The following HADHB variants were observed in gnomAD, a reference collection of about 807,000 sequenced individuals.
HADHB encodes trifunctional enzyme subunit beta, mitochondrial.
Under a neutral mutation model 61.9 loss-of-function variants are expected in HADHB, and 50 were observed. That is an observed-to-expected ratio of 0.81 (90% CI 0.64 to 1.02). HADHB has a LOEUF of 1.02. Among genes scored for constraint, HADHB ranks in the 50% least tolerant of loss-of-function variants. HADHB has a pLI of 0.00. For missense variants in HADHB, 504 were observed against 586.5 expected, an observed-to-expected ratio of 0.86 and a Z score of 1.45; for synonymous variants, 191 against 201.6, an observed-to-expected ratio of 0.95 and a Z score of 0.45.
chr2:26,279,260 C>T lies in HADHB; in HGVS notation c.756C>T (p.Ala252=). ...DEYALRSHSL[A]KKAQDEGLLS... Reference sequence around the variant, plus strand: ...ATGCACTGCGCTCTCACAGTCTAGCCAAGAAGGCACAGGATGAAGGACTCC... The same window carrying T: ...ATGCACTGCGCTCTCACAGTCTAGCTAAGAAGGCACAGGATGAAGGACTCC... Residue 252 remains alanine (A), a synonymous_variant, in exon 9 of 16, where the codon GCC becomes GCT. Transcript: ENST00000317799. The T allele has an allele frequency of 1.2e-6, 2 of 1,613,380 alleles. No homozygotes were observed. Among genetic ancestry groups the T allele is most frequent in the African/African-American group, 1.3e-5 (1 of 74,988 alleles).
Position 26,254,309 on chromosome 2 carries a change from C to T in HADHB, c.55C>T (p.Leu19Phe). 1 of 1,550,368 alleles carries T rather than the reference C, an allele frequency of 6.5e-7. No homozygotes were observed. The highest frequency in any genetic ancestry group is 1.8e-4 in the Middle Eastern group (1 of 5,702). The change falls in exon 2 of 16, where the codon CTC becomes TTC. Residue 19 changes from leucine (L) to phenylalanine (F), a missense_variant. Leu to Phe is a conservative substitution (Grantham distance 22). Coordinates refer to ENST00000317799, the MANE Select transcript of HADHB (RefSeq NM_000183.3). ...TCTTCCCACTGCATCAAAATGGGCCCTCAGATTTTGTAAGTTTATTATTAT... is the reference window on the plus strand; with the variant it reads ...TCTTCCCACTGCATCAAAATGGGCCTTCAGATTTTGTAAGTTTATTATTAT... The part of the protein sequence containing the change: ...KNLPTASKWA[L>F]RFSIRPLSCS...
chr2:26,280,853 CAAAAAAAAAA>C (rs10560210), intron 10 of HADHB, among the ~76,000 whole-genome samples: 4 of 49,162 alleles, frequency 8.1e-5, no homozygotes, highest in East Asian at 1.4e-3. Context: ...ACTCCCATCT[CAAAAAAAAAA>C]AAAAAAAAAA....
At chr2:26,256,667 G>A (rs1448474656) in intron 3 of HADHB, among the ~76,000 whole-genome samples, 2 of 152,156 alleles carry the variant, frequency 1.3e-5, no homozygotes, top group Admixed American at 6.5e-5. Context: ...AGGTTTTGGA[G>A]TTGGTTAGAG....
chr2:26,275,641 C>A (rs1004705907), intron 6 of HADHB, among the ~76,000 whole-genome samples: 3 of 152,218 alleles, frequency 2.0e-5, no homozygotes, highest in African/African-American at 7.2e-5. Flanking sequence ...TTGCGTCTCT[C>A]TTCCTTTCGG....
chr2:26,289,260 T>TA (rs1673168946), intron 15 of HADHB, among the ~76,000 whole-genome samples: 3 of 151,658 alleles, frequency 2.0e-5, no homozygotes, highest in Non-Finnish European at 2.9e-5. Flanking sequence ...AAATAATAAA[T>TA]AAAAAAAATA....
chr2:26,282,351 T>C (rs1672829179), intron 10 of HADHB, among the ~76,000 whole-genome samples: 1 of 149,936 alleles, frequency 6.7e-6, no homozygotes, highest in Non-Finnish European at 1.5e-5. Context: ...GCCTCCCAGG[T>C]TCAAGCAATT....
At chr2:26,284,021 A>G (rs1045376448) in intron 12 of HADHB, 96 bp from the exon 13 acceptor site, 9 of 734,118 alleles carry the variant, frequency 1.2e-5, no homozygotes, top group Non-Finnish European at 2.0e-5. Flanking sequence ...GTGAAAAGAC[A>G]TTAGAGTACC....
At chr2:26,271,163 G>A (rs1672331249) in intron 5 of HADHB, among the ~76,000 whole-genome samples, 1 of 149,010 alleles carries the variant, frequency 6.7e-6, no homozygotes, top group Admixed American at 6.7e-5. Context: ...CCAAAGTGCT[G>A]GGCTTACAGG....
At chr2:26,251,480 G>T (rs1671395209) in intron 1 of HADHB, among the ~76,000 whole-genome samples, 1 of 152,148 alleles carries the variant, frequency 6.6e-6, no homozygotes, top group Non-Finnish European at 1.5e-5. Context: ...GAGCCTCTGT[G>T]CCTGGCCTAG....
Position 26,260,256 on chromosome 2 carries a change from A to AT in HADHB, c.110-3119dup, listed in dbSNP as rs1459257133. Among the ~76,000 whole-genome samples, 3 of 151,680 alleles carry AT rather than the reference A, an allele frequency of 2.0e-5. No individual in the cohort carries two copies. The East Asian group carries it at 5.8e-4, about 29-fold the overall frequency. Reference sequence around the variant, plus strand: ...ACCACCGTGCCCAGCTAATTTTTGTATTTTTAGTAGAGACGGGGTTTCACC... The same window carrying AT: ...ACCACCGTGCCCAGCTAATTTTTGTATTTTTTAGTAGAGACGGGGTTTCACC... On this transcript the variant is annotated intron_variant, in intron 3 of 15. Coordinates refer to ENST00000317799, the MANE Select transcript of HADHB (RefSeq NM_000183.3).
intron 3 of HADHB, among the ~76,000 whole-genome samples, chr2:26,257,457 G>A (rs577915066): frequency 2.0e-5 from 3 of 152,058 alleles, no homozygotes; most frequent in Non-Finnish European, 4.4e-5. Context: ...CTAAGACAGG[G>A]TCCCATAACT....
Position 26,284,954 on chromosome 2 carries a change from C to G in HADHB, c.1221C>G (p.Thr407=), listed in dbSNP as rs1260846929. The part of the protein sequence containing the change: ...WFAENYMGRK[T]KVGLPPLEKF... Reference sequence around the variant, plus strand: ...CAGAAAACTACATGGGTAGAAAAACCAAGGTGAGTTTCTAATTTTAAAAAA... The same window carrying G: ...CAGAAAACTACATGGGTAGAAAAACGAAGGTGAGTTTCTAATTTTAAAAAA... Residue 407 remains threonine, a synonymous_variant, in exon 14 of 16, where the codon ACC becomes ACG. Coordinates refer to ENST00000317799, the MANE Select transcript of HADHB (RefSeq NM_000183.3). 6.6e-7 allele frequency: 1 copy of G among 1,518,392 alleles called. No individual in the cohort carries two copies. The highest frequency in any genetic ancestry group is 1.4e-5 in the African/African-American group (1 of 73,014). 94.1% of individuals were successfully genotyped at this position (1,518,392 alleles called of 1,614,324 possible). A position where few individuals can be genotyped will look rare whatever the true frequency, so the allele number is the denominator to read the frequency against.
intron 4 of HADHB, among the ~76,000 whole-genome samples, chr2:26,267,998 T>C (rs922664862): frequency 1.3e-5 from 2 of 151,944 alleles, no homozygotes; most frequent in Non-Finnish European, 2.9e-5. Flanking sequence ...AAAAATTAGC[T>C]GGGTGTGGTA....
intron 6 of HADHB, among the ~76,000 whole-genome samples, chr2:26,276,257 C>T (rs1460385543): frequency 6.6e-6 from 1 of 152,142 alleles, no homozygotes; most frequent in Non-Finnish European, 1.5e-5. Context: ...TAATAATGAC[C>T]TCAGTTTTTC....
Position 26,279,197 on chromosome 2 carries a change from C to G in HADHB, c.693C>G (p.Ala231=). ...ETMGHSADRL[A]AAFAVSRLEQ... ...TGGGCCACTCTGCAGACCGACTGGCCGCTGCCTTTGCTGTTTCTCGGCTGG... is the reference window on the plus strand; with the variant it reads ...TGGGCCACTCTGCAGACCGACTGGCGGCTGCCTTTGCTGTTTCTCGGCTGG... The change falls in exon 9 of 16, where the codon GCC becomes GCG. Residue 231 remains alanine (A), a synonymous_variant. Coordinates refer to ENST00000317799, the MANE Select transcript of HADHB (RefSeq NM_000183.3). 1 of 1,613,856 alleles carries G rather than the reference C, an allele frequency of 6.2e-7. No individual in the cohort carries two copies. Among genetic ancestry groups the G allele is most frequent in the Non-Finnish European group, 8.5e-7 (1 of 1,179,782 alleles).
In HADHB at chr2:26,254,486, T is replaced by C. The variant is rs1671532556; in HGVS notation, c.109+12T>C. 6.5e-7 allele frequency: 1 copy of C among 1,528,144 alleles called. No homozygotes were observed. Among genetic ancestry groups the C allele is most frequent in the East Asian group, 2.2e-5 (1 of 44,490 alleles). The allele number at this position is 1,528,144 out of a possible 1,614,324, so 94.7% of individuals were successfully genotyped here. On this transcript the variant is annotated intron_variant, in intron 3 of 15. Coordinates refer to ENST00000317799, the MANE Select transcript of HADHB (RefSeq NM_000183.3). ...ACGAGCTGCCCCAGGTACAGTAATT[T>C]GTAAAATAAATATTTCTGATTTAAA... is the stretch of plus-strand genomic sequence containing the variant.
chr2:26,270,813 ACTT>A (rs1208482624), intron 5 of HADHB, among the ~76,000 whole-genome samples: 6 of 149,984 alleles, frequency 4.0e-5, no homozygotes, highest in Admixed American at 3.3e-4. Flanking sequence ...TCTTCTGTTG[ACTT>A]CTTAGTAATA....
intron 15 of HADHB, among the ~76,000 whole-genome samples, chr2:26,287,191 A>G (rs1310324961): frequency 6.6e-6 from 1 of 152,174 alleles, no homozygotes; most frequent in Admixed American, 6.5e-5. Context: ...TGACAGAGAG[A>G]GACTCTGTCT....
At chr2:26,279,095 G>A (rs751532319) in intron 8 of HADHB, 40 bp from the exon 9 acceptor site, 4 of 1,514,866 alleles carry the variant, frequency 2.6e-6, no homozygotes, top group African/African-American at 2.7e-5. Flanking sequence ...CATAACACCG[G>A]TTAACAGTGT....
Sources: gnomAD v4.1 joint callset for allele counts (sites outside exome capture counted in the v4.1 genomes callset) on GRCh38, gnomAD v4.1.1 for gene constraint, MANE v1.5 for transcripts, NCBI Gene and HGNC (gene_info 2026-07-23, HGNC 2026-07-21) for gene names.